The following PRSS55 variants were observed in gnomAD, a reference collection of about 807,000 sequenced individuals.
PRSS55 encodes serine protease 55, also known as probable serine protease UNQ9391/PRO34284.
In PRSS55, 41 loss-of-function variants were observed where a neutral mutation model predicts 23.6. The ratio of observed to expected loss-of-function variants is 1.74; its 90% confidence interval spans 1.35 to 2.26. The LOEUF (loss-of-function observed/expected upper bound fraction) is 2.26, where lower values mean the gene tolerates loss of function less well. Among genes scored for constraint, PRSS55 ranks in the 30% most tolerant of loss-of-function variants. The pLI is 0.00. For synonymous variants in PRSS55, 262 were observed against 175.5 expected, an observed-to-expected ratio of 1.49 and a Z score of -3.90; for missense variants, 669 against 439.1, an observed-to-expected ratio of 1.52 and a Z score of -4.68.
intron 1 of PRSS55, among the ~76,000 whole-genome samples, chr8:10,528,013 G>T (rs1402860007): frequency 6.6e-6 from 1 of 152,156 alleles, no homozygotes; most frequent in East Asian, 1.9e-4. Context: ...AGGAGCTCTA[G>T]ACCAGCCTGA....
chr8:10,531,409 C>A lies in PRSS55; in HGVS notation c.462C>A (p.Asp154Glu). The change falls in exon 3 of 5, where the codon GAC becomes GAA. Residue 154 changes from aspartate to glutamate, a missense_variant. Transcript: ENST00000328655. ...AAGACTTTAAGAGAGCCAACATGGA[C>A]AATGACATTGCCTTGCTGCTGCTGG... ...LHKDFKRANM[D>E]NDIALLLLAS... 6.2e-7 allele frequency: 1 copy of A among 1,614,276 alleles called. No individual in the cohort carries two copies. The highest frequency in any genetic ancestry group is 8.5e-7 in the Non-Finnish European group (1 of 1,180,058).
Position 10,530,776 on chromosome 8 carries a change from G to A in PRSS55, c.348-519G>A, listed in dbSNP as rs1030601712. On this transcript the variant is annotated intron_variant, in intron 2 of 4. Transcript: ENST00000328655. ...ATAACCACAGACCTTTGTGGCACCC[G>A]CTGTCGTGGGATATCAAATATCCTC... Among the ~76,000 whole-genome samples the A allele has an allele frequency of 1.6e-4, 25 of 152,270 alleles. No individual in the cohort carries two copies. In the East Asian group the frequency reaches 2.7e-3, roughly 16 times the overall value.
chr8:10,537,698 G>A (rs10104560), intron 4 of PRSS55, among the ~76,000 whole-genome samples: 4,470 of 152,180 alleles, frequency 0.029, 205 homozygotes, highest in African/African-American at 0.099. Flanking sequence ...ATATCAAAAC[G>A]TGTACCTCAT....
Position 10,532,761 on chromosome 8 carries a change from C to A in PRSS55, c.599-145C>A, listed in dbSNP as rs571965815. The A allele has an allele frequency of 3.1e-6, 3 of 956,168 alleles. No individual in the cohort carries two copies. In the South Asian group the frequency reaches 5.0e-5, roughly 16 times the overall value. 59.2% of individuals were successfully genotyped at this position (956,168 alleles called of 1,614,324 possible). A position where few individuals can be genotyped will look rare whatever the true frequency, so the allele number is the denominator to read the frequency against. On this transcript the variant is annotated intron_variant, in intron 3 of 4. Coordinates refer to ENST00000328655, the MANE Select transcript of PRSS55 (RefSeq NM_198464.4). ...TGGGTAAGTTGCAGGCATGGGGTAA[C>A]CTGAAGGAAGTGAGGGGCTGCAGAG... is the stretch of plus-strand genomic sequence containing the variant.
intron 4 of PRSS55, among the ~76,000 whole-genome samples, chr8:10,533,796 C>A (rs1205071448): frequency 6.6e-6 from 1 of 152,086 alleles, no homozygotes; most frequent in Non-Finnish European, 1.5e-5. Flanking sequence ...GGTATAAAAC[C>A]ACAAATGAAG....
At chr8:10,553,188 C>G (rs924203762) in intron 4 of PRSS55, among the ~76,000 whole-genome samples, 4 of 152,218 alleles carry the variant, frequency 2.6e-5, no homozygotes, top group Non-Finnish European at 4.4e-5. Flanking sequence ...GGCTCCTCCC[C>G]CTTTGCTGGC....
intron 1 of PRSS55, among the ~76,000 whole-genome samples, chr8:10,528,482 G>A (rs771655349): frequency 3.3e-5 from 5 of 152,166 alleles, no homozygotes; most frequent in Admixed American, 1.3e-4. Context: ...AAATATTCAC[G>A]GAGCATCTCC....
intron 4 of PRSS55, among the ~76,000 whole-genome samples, chr8:10,551,323 C>T (rs201020045): frequency 7.6e-6 from 1 of 132,234 alleles, no homozygotes; most frequent in African/African-American, 2.6e-5. Context: ...CCCTCACTCA[C>T]TCATTCATTC....
downstream of PRSS55, chr8:10,540,286 C>G (rs1228332696): frequency 6.6e-6 from 1 of 152,310 alleles, no homozygotes; most frequent in African/African-American, 2.4e-5. Flanking sequence ...CTTCTTTCCT[C>G]TGGATTCGAA....
chr8:10,543,308 C>T (rs1369796621), downstream of PRSS55, among the ~76,000 whole-genome samples: 1 of 152,136 alleles, frequency 6.6e-6, no homozygotes, highest in East Asian at 1.9e-4. Context: ...AGTGACTGCC[C>T]TGAGAGTGAA....
At chr8:10,529,094 A>G (rs1421253204) in intron 1 of PRSS55, among the ~76,000 whole-genome samples, 1 of 152,202 alleles carries the variant, frequency 6.6e-6, no homozygotes, top group Non-Finnish European at 1.5e-5. Context: ...CTTGCAAGCT[A>G]AAATATTCGC....
downstream of PRSS55, among the ~76,000 whole-genome samples, chr8:10,540,006 G>C (rs2117056315): frequency 6.6e-6 from 1 of 152,298 alleles, no homozygotes; most frequent in Admixed American, 6.5e-5. Context: ...CTGGAGCCAA[G>C]CTGATGGCGC....
chr8:10,537,249 T>A (rs1812488242), intron 4 of PRSS55, among the ~76,000 whole-genome samples: 1 of 152,086 alleles, frequency 6.6e-6, no homozygotes. Context: ...ATGGATGAAT[T>A]GATAAAGAAA....
intron 1 of PRSS55, among the ~76,000 whole-genome samples, chr8:10,528,757 G>C (rs886455963): frequency 1.3e-4 from 20 of 152,220 alleles, no homozygotes; most frequent in African/African-American, 4.6e-4. Flanking sequence ...CTGTGGGACA[G>C]AGCTCCAGCA....
downstream of PRSS55, chr8:10,540,587 C>T (rs1248812912): frequency 6.6e-6 from 1 of 152,138 alleles, no homozygotes; most frequent in Non-Finnish European, 1.5e-5. Context: ...TGGTGGCGGG[C>T]ACCTGTAATC....
chr8:10,533,462 C>T (rs4840489), intron 4 of PRSS55, among the ~76,000 whole-genome samples: 28,588 of 152,080 alleles, frequency 0.19, 2,908 homozygotes, highest in East Asian at 0.33. Flanking sequence ...ACCTAAGGGA[C>T]CCTACAGTTT....
chr8:10,551,725 G>A (rs1042196416), intron 4 of PRSS55, among the ~76,000 whole-genome samples: 2 of 152,202 alleles, frequency 1.3e-5, no homozygotes, highest in Non-Finnish European at 2.9e-5. Context: ...GAGAGCACTT[G>A]GTGATGGGGA....
At chr8:10,536,796 T>G (rs1456367694) in intron 4 of PRSS55, among the ~76,000 whole-genome samples, 1 of 152,200 alleles carries the variant, frequency 6.6e-6, no homozygotes, top group Non-Finnish European at 1.5e-5. Context: ...TTCTCACTTA[T>G]AAGTTGGAAC....
At chr8:10,553,084 C>T (rs1395777990) in intron 4 of PRSS55, among the ~76,000 whole-genome samples, 1 of 152,074 alleles carries the variant, frequency 6.6e-6, no homozygotes, top group East Asian at 1.9e-4. Flanking sequence ...AGGGTGGGAC[C>T]TGGTGGGAAG....
Sources: gnomAD v4.1 joint callset for allele counts (sites outside exome capture counted in the v4.1 genomes callset) on GRCh38, gnomAD v4.1.1 for gene constraint, MANE v1.5 for transcripts, NCBI Gene and HGNC (gene_info 2026-07-23, HGNC 2026-07-21) for gene names.